Variants in PTPRO observed in about 807,000 individuals in gnomAD.
PTPRO encodes the protein receptor-type tyrosine-protein phosphatase O.
Under a neutral mutation model 145.2 loss-of-function variants are expected in PTPRO, and 62 were observed. The ratio of observed to expected loss-of-function variants is 0.43; its 90% CI spans 0.35 to 0.53. PTPRO has a LOEUF of 0.53. Ranked by LOEUF, PTPRO falls within the 20% of genes least tolerant of loss-of-function variation. PTPRO has a pLI of 0.01. For missense variants in PTPRO, 1,345 were observed against 1,482.7 expected, an observed-to-expected ratio of 0.91 and a Z score of 1.53; for synonymous variants, 565 against 514.7, an observed-to-expected ratio of 1.10 and a Z score of -1.32.
intron 1 of PTPRO, among the ~76,000 whole-genome samples, chr12:15,421,575 C>T (rs1364590796): frequency 2.0e-5 from 3 of 152,096 alleles, no homozygotes; most frequent in Non-Finnish European, 4.4e-5. Flanking sequence ...GTTTAATTTG[C>T]CAGCAGGTTT....
In PTPRO at chr12:15,558,219, C is replaced by G. The variant is rs530160866; in HGVS notation, c.2627+696C>G. ...AAAGTGCTGGGATTACAGGCCTGAG[C>G]CCCCATGCCAACCCAGCATCTCCAT... is the stretch of plus-strand genomic sequence containing the variant. On this transcript the variant is annotated intron_variant, in intron 16 of 26. Coordinates refer to ENST00000281171, the MANE Select transcript of PTPRO (RefSeq NM_030667.3). 3.0e-4 allele frequency among the ~76,000 whole-genome samples: 45 copies of G among 152,278 alleles called. No individual in the cohort carries two copies. The East Asian group carries it at 3.1e-3, about 10-fold the overall frequency.
chr12:15,422,633 T>C (rs763423735), intron 1 of PTPRO, among the ~76,000 whole-genome samples: 1 of 152,154 alleles, frequency 6.6e-6, no homozygotes, highest in Non-Finnish European at 1.5e-5. Context: ...AGGGGACTTG[T>C]ATAAACCACA....
At chr12:15,410,282 G>C (rs1234713145) in intron 1 of PTPRO, 1 of 152,172 alleles carries the variant, frequency 6.6e-6, no homozygotes, top group Non-Finnish European at 1.5e-5. Flanking sequence ...GTTTCTAGGA[G>C]TGCCTGTGAG....
chr12:15,484,936 C>T (rs1486076851), intron 2 of PTPRO, among the ~76,000 whole-genome samples: 1 of 152,052 alleles, frequency 6.6e-6, no homozygotes, highest in Non-Finnish European at 1.5e-5. Flanking sequence ...ACTCTACTGT[C>T]TATGTTGACA....
chr12:15,440,092 T>G, intron 1 of PTPRO: 1 of 631,036 alleles, frequency 1.6e-6, no homozygotes, highest in Non-Finnish European at 2.9e-6. Context: ...GCTGCAGCTC[T>G]GTGCTGGTGC....
At chr12:15,429,696 T>C (rs1367101251) in intron 1 of PTPRO, among the ~76,000 whole-genome samples, 3 of 151,950 alleles carry the variant, frequency 2.0e-5, no homozygotes, top group Non-Finnish European at 4.4e-5. Context: ...CATTAAAGGG[T>C]TAGAGGCAGA....
intron 2 of PTPRO, among the ~76,000 whole-genome samples, chr12:15,494,183 TA>T: frequency 6.6e-6 from 1 of 152,308 alleles, no homozygotes; most frequent in Middle Eastern, 3.4e-3. Context: ...GAATTTCAAA[TA>T]TATTTTCTAA....
chr12:15,433,535 CACAG>C (rs2136345510), intron 1 of PTPRO, among the ~76,000 whole-genome samples: 1 of 152,230 alleles, frequency 6.6e-6, no homozygotes, highest in East Asian at 1.9e-4. Context: ...GATTTTTGTA[CACAG>C]TGAAGGAAAG....
intron 7 of PTPRO, 125 bp downstream of exon 7, chr12:15,508,892 T>A: frequency 1.0e-6 from 1 of 973,232 alleles, no homozygotes; most frequent in Admixed American, 2.0e-5. Context: ...GTTCTGTGAC[T>A]GTTCCCAAGA....
chr12:15,579,432 AT>A (rs1326577332), intron 20 of PTPRO, among the ~76,000 whole-genome samples: 1 of 152,252 alleles, frequency 6.6e-6, no homozygotes, highest in Non-Finnish European at 1.5e-5. Context: ...TCCAGTTTAG[AT>A]TTCACTTTTC....
chr12:15,579,219 GA>G (rs1944255251), intron 20 of PTPRO, among the ~76,000 whole-genome samples: 2 of 152,160 alleles, frequency 1.3e-5, no homozygotes, highest in Admixed American at 6.5e-5. Flanking sequence ...TCAAATTGGG[GA>G]TTGGATCATT....
rs1039075181 is a variant in PTPRO at position 15,346,248 on chromosome 12, T to C, written c.75+23447T>C. Reference sequence around the variant, plus strand: ...TTCATTTAGCAGTAACTGACTACCATAAATATACTATCACTGTAAGAACAA... The same window carrying C: ...TTCATTTAGCAGTAACTGACTACCACAAATATACTATCACTGTAAGAACAA... On this transcript the variant is annotated intron_variant, in intron 1 of 26. Transcript: ENST00000281171. Among the ~76,000 whole-genome samples, 4 of 152,356 alleles carry C rather than the reference T, an allele frequency of 2.6e-5. 1 individual carries two copies. The South Asian group carries it at 6.2e-4, about 24-fold the overall frequency.
At chr12:15,487,924 C>A (rs1041827583) in intron 2 of PTPRO, among the ~76,000 whole-genome samples, 28 of 152,138 alleles carry the variant, frequency 1.8e-4, no homozygotes, top group Admixed American at 1.6e-3. Context: ...CTTTATGAAT[C>A]CATTAAACTC....
chr12:15,466,188 C>A (rs1294169695), intron 1 of PTPRO, among the ~76,000 whole-genome samples: 2 of 151,670 alleles, frequency 1.3e-5, no homozygotes, highest in East Asian at 1.9e-4. Context: ...TTTCATAATT[C>A]TATTGTTTTA....
At chr12:15,590,601 T>C (rs1944530956) in intron 25 of PTPRO, among the ~76,000 whole-genome samples, 1 of 152,358 alleles carries the variant, frequency 6.6e-6, no homozygotes, top group African/African-American at 2.4e-5. Context: ...CCACTCCTTT[T>C]ACTTTTCTTT....
At chr12:15,337,433 C>G (rs1866802266) in intron 1 of PTPRO, 1 of 152,150 alleles carries the variant, frequency 6.6e-6, no homozygotes, top group African/African-American at 2.4e-5. Context: ...CGCAAATCAG[C>G]CTGTTCTGGG....
intron 23 of PTPRO, 150 bp downstream of exon 23, chr12:15,581,951 A>T: frequency 9.4e-7 from 1 of 1,059,944 alleles, no homozygotes; most frequent in Non-Finnish European, 1.4e-6. Flanking sequence ...CAGGGGTCTC[A>T]CAGCTTTAAG....
At position 15,332,884 on chromosome 12, in the gene PTPRO, A is replaced by T. The variant is rs765207198; in HGVS notation, c.75+10083A>T. On this transcript the variant is annotated intron_variant, in intron 1 of 26. Transcript: ENST00000281171. Reference sequence around the variant, plus strand: ...CTATATAGTAACTGCTCTTGCTCTCATGCATGTTATGAATAACTGCTTTGC... The same window carrying T: ...CTATATAGTAACTGCTCTTGCTCTCTTGCATGTTATGAATAACTGCTTTGC... Among the ~76,000 whole-genome samples the T allele has an allele frequency of 4.9e-4, 75 of 152,150 alleles. 1 individual carries two copies. The highest frequency in any genetic ancestry group is 3.3e-3 in the Admixed American group (51 of 15,268).
At chr12:15,480,026 G>A (rs1941745035) in intron 1 of PTPRO, among the ~76,000 whole-genome samples, 1 of 152,118 alleles carries the variant, frequency 6.6e-6, no homozygotes, top group Admixed American at 6.5e-5. Flanking sequence ...CATTGGCTAG[G>A]ACTAAATGAC....
Sources: allele counts gnomAD v4.1 joint callset (sites outside exome capture counted in the v4.1 genomes callset), GRCh38; gene constraint gnomAD v4.1.1; transcripts MANE v1.5; gene names NCBI Gene and HGNC (gene_info 2026-07-23, HGNC 2026-07-21).